The following SLC36A1 variants were observed in gnomAD, a reference collection of about 807,000 sequenced individuals.
SLC36A1 encodes the protein proton-coupled amino acid transporter 1.
A neutral mutation model predicts 47.5 loss-of-function variants in SLC36A1; 30 were observed. The observed-to-expected ratio is 0.63, with a 90% CI of 0.47 to 0.86. The LOEUF (loss-of-function observed/expected upper bound fraction) is 0.86, where lower values mean the gene tolerates loss of function less well. Ranked by LOEUF, SLC36A1 falls within the 40% of genes least tolerant of loss-of-function variation. The pLI, the probability that SLC36A1 is intolerant of heterozygous loss-of-function variation, is 0.00. For missense variants in SLC36A1, 517 were observed against 606.0 expected, an observed-to-expected ratio of 0.85 and a Z score of 1.54; for synonymous variants, 255 against 249.7, an observed-to-expected ratio of 1.02 and a Z score of -0.20.
chr5:151,417,657 T>C, the SLC36A1 span, among the ~76,000 whole-genome samples: 1 of 152,142 alleles, frequency 6.6e-6, no homozygotes. Flanking sequence ...TATGTATTCA[T>C]AAAGAGATGG....
intron 1 of SLC36A1, among the ~76,000 whole-genome samples, chr5:151,439,714 G>A (rs1752511742): frequency 1.3e-5 from 2 of 151,692 alleles, no homozygotes; most frequent in South Asian, 4.2e-4. Context: ...AGCATGGCCT[G>A]AGGCACATTC....
chr5:151,481,116 C>T (rs368513012), intron 10 of SLC36A1, among the ~76,000 whole-genome samples: 1 of 152,214 alleles, frequency 6.6e-6, no homozygotes, highest in African/African-American at 2.4e-5. Flanking sequence ...GATTCACAGA[C>T]CTCATGTTAT....
the SLC36A1 span, chr5:151,522,166 G>T: frequency 8.4e-7 from 1 of 1,189,048 alleles, no homozygotes; most frequent in South Asian, 1.6e-5. Flanking sequence ...CCTCCTTGTG[G>T]AGCTACGTTT....
chr5:151,429,413 T>C, the SLC36A1 span, among the ~76,000 whole-genome samples: 783 of 144,834 alleles, frequency 5.4e-3, 6 homozygotes, highest in African/African-American at 0.019. Context: ...GTGTTCTCAT[T>C]GTTCAATTCC....
the SLC36A1 span, chr5:151,525,889 TA>T: frequency 1.9e-6 from 3 of 1,613,820 alleles, no homozygotes; most frequent in South Asian, 1.1e-5. Context: ...TCGAAACGAG[TA>T]GGGGGGGCCA....
At chr5:151,364,770 A>G in the SLC36A1 span, among the ~76,000 whole-genome samples, 4 of 152,160 alleles carry the variant, frequency 2.6e-5, no homozygotes, top group African/African-American at 9.7e-5. Context: ...TGCATCAGGC[A>G]CCAGTGGAAG....
rs755546492 is a variant in SLC36A1, at chr5:151,467,262, T to TCTGG, written c.487_490dup (p.Asp164GlyfsTer2). 9 of 1,609,782 alleles carry TCTGG rather than the reference T, an allele frequency of 5.6e-6. No homozygotes were observed. In the South Asian group the frequency reaches 9.9e-5, roughly 18 times the overall value. The stretch of plus-strand genomic sequence containing the variant: ...GATTCTGCTGTGTCTATTTTGTGTT[T>TCTGG]CTGGCTGACAACTTTAAACAGGTAG... On this transcript the variant is annotated frameshift_variant, in exon 6 of 11. Coordinates refer to ENST00000243389, the MANE Select transcript of SLC36A1 (RefSeq NM_078483.4). LOFTEE classifies it high-confidence loss of function.
the SLC36A1 span, among the ~76,000 whole-genome samples, chr5:151,514,432 T>C: frequency 6.6e-6 from 1 of 152,220 alleles, no homozygotes; most frequent in Admixed American, 6.5e-5. Flanking sequence ...GACCTATCTC[T>C]TTCTTACTTC....
Position 151,488,002 on chromosome 5 carries a change from C to A in SLC36A1, c.1179C>A (p.Ile393=). 1.9e-6 allele frequency: 3 copies of A among 1,614,096 alleles called. No homozygotes were observed. The highest frequency in any genetic ancestry group is 8.5e-7 in the Non-Finnish European group (1 of 1,180,014). The change falls in exon 11 of 11, where the codon ATC becomes ATA. Residue 393 remains isoleucine (I), a synonymous_variant. Coordinates refer to ENST00000243389, the MANE Select transcript of SLC36A1 (RefSeq NM_078483.4). ...CTGCAGGCATCTTGGCCATCCTCAT[C>A]CCCCGCCTGGACCTGGTCATCTCCC... ...VCLTCILAIL[I]PRLDLVISLV... is the part of the protein sequence containing the mutation.
At chr5:151,431,149 T>G in the SLC36A1 span, 1 of 152,220 alleles carries the variant, frequency 6.6e-6, no homozygotes, top group African/African-American at 2.4e-5. Flanking sequence ...TACACCTCTT[T>G]GCTTGTCTGT....
the SLC36A1 span, among the ~76,000 whole-genome samples, chr5:151,400,793 A>G: frequency 3.4e-3 from 514 of 151,692 alleles, 2 homozygotes; most frequent in Non-Finnish European, 5.8e-3. Context: ...GCATTTTTTC[A>G]TGTTTGGTGG....
the SLC36A1 span, among the ~76,000 whole-genome samples, chr5:151,356,343 A>C: frequency 7.8e-6 from 1 of 127,784 alleles, no homozygotes; most frequent in African/African-American, 4.4e-5. Flanking sequence ...GTCTCACAAA[A>C]AAAAAAAAAA....
At chr5:151,436,654 T>C (rs182877060), upstream of SLC36A1, among the ~76,000 whole-genome samples, 1 of 152,142 alleles carries the variant, frequency 6.6e-6, no homozygotes, top group Admixed American at 6.5e-5. Flanking sequence ...GTAAAATGAA[T>C]GAATTGCCAT....
the SLC36A1 span, chr5:151,545,323 A>G: frequency 6.2e-7 from 1 of 1,614,156 alleles, no homozygotes; most frequent in Non-Finnish European, 8.5e-7. Context: ...CTTCCGAGAG[A>G]GTCCCAGGAA....
the SLC36A1 span, among the ~76,000 whole-genome samples, chr5:151,392,367 AT>A: frequency 5.9e-5 from 9 of 152,042 alleles, no homozygotes; most frequent in Admixed American, 1.3e-4. Context: ...GGATTCATTG[AT>A]TTTTTTGAAG....
chr5:151,427,319 G>A, the SLC36A1 span, among the ~76,000 whole-genome samples: 1 of 152,236 alleles, frequency 6.6e-6, no homozygotes, highest in East Asian at 1.9e-4. Context: ...GAGATAGTGA[G>A]TGGGTCAAGG....
rs150086556 is a variant in SLC36A1, at chr5:151,488,820, C to A, written c.*566C>A. On this transcript the variant is annotated 3_prime_UTR_variant, in exon 11 of 11. Coordinates refer to ENST00000243389, the MANE Select transcript of SLC36A1 (RefSeq NM_078483.4). ...CCCAAGCTGGAGTTTTTAATCTGGA[C>A]TCTCTGGCTTGCTGTGACCCCTAAG... 592 of 159,642 alleles carry A rather than the reference C, an allele frequency of 3.7e-3. 6 individuals are homozygous for A. Among genetic ancestry groups the A allele is most frequent in the African/African-American group, 0.013 (546 of 41,588 alleles). 9.9% of individuals were successfully genotyped at this position (159,642 alleles called of 1,614,324 possible).
chr5:151,468,271 A>ATATATATATATATATATATTT (rs1756814143), intron 7 of SLC36A1, among the ~76,000 whole-genome samples: 2 of 90,100 alleles, frequency 2.2e-5, no homozygotes, highest in South Asian at 7.9e-4. Flanking sequence ...AAAAAAATAT[A>ATATATATATATATATATATTT]TATATATATA....
upstream of SLC36A1, among the ~76,000 whole-genome samples, chr5:151,436,814 C>A (rs1247660870): frequency 1.3e-5 from 2 of 152,148 alleles, no homozygotes; most frequent in Non-Finnish European, 2.9e-5. Context: ...GATCTGAGAG[C>A]TGAACTTCTC....
Sources: gnomAD v4.1 joint callset for allele counts (sites outside exome capture counted in the v4.1 genomes callset) on GRCh38, gnomAD v4.1.1 for gene constraint, MANE v1.5 for transcripts, NCBI Gene and HGNC (gene_info 2026-07-23, HGNC 2026-07-21) for gene names.